Variants in NCOA1 observed in about 807,000 individuals in gnomAD.
NCOA1 encodes the protein nuclear receptor coactivator 1, also known as Hin-2 protein.
NCOA1 carries 35 observed loss-of-function variants against 150.9 expected under a neutral mutation model. The observed-to-expected ratio is 0.23, with a 90% CI of 0.18 to 0.31. NCOA1 has a LOEUF of 0.31. Ranked by LOEUF, NCOA1 falls within the 10% of genes least tolerant of loss-of-function variation. The probability of loss-of-function intolerance (pLI) is 1.00; values close to 1 mark genes in which losing one functional copy is unlikely to be tolerated. For missense variants in NCOA1, 1,491 were observed against 1,749.3 expected, an observed-to-expected ratio of 0.85 and a Z score of 2.63; for synonymous variants, 590 against 630.0, an observed-to-expected ratio of 0.94 and a Z score of 0.95.
intron 10 of NCOA1, among the ~76,000 whole-genome samples, chr2:24,694,678 A>G (rs1402210011): frequency 6.6e-6 from 1 of 152,162 alleles, no homozygotes; most frequent in East Asian, 1.9e-4. Context: ...ATTATCAATT[A>G]TCATAGCCTT....
At chr2:24,664,988 A>G (rs532542189) in intron 5 of NCOA1, among the ~76,000 whole-genome samples, 2 of 152,340 alleles carry the variant, frequency 1.3e-5, no homozygotes, top group East Asian at 1.9e-4. Context: ...AACCAGGGCT[A>G]AAGACTGGAA....
intron 14 of NCOA1, among the ~76,000 whole-genome samples, chr2:24,723,149 G>A (rs1674441964): frequency 6.6e-6 from 1 of 151,812 alleles, no homozygotes; most frequent in African/African-American, 2.4e-5. Context: ...CGTTTTTTCT[G>A]TACCTTCAAA....
intron 3 of NCOA1, among the ~76,000 whole-genome samples, chr2:24,594,536 A>G (rs769910413): frequency 2.0e-5 from 3 of 152,160 alleles, no homozygotes; most frequent in Non-Finnish European, 4.4e-5. Flanking sequence ...AGAAATTTGC[A>G]CAAAAGATGT....
chr2:24,574,985 G>A (rs1056907665), intron 2 of NCOA1, among the ~76,000 whole-genome samples: 1 of 151,910 alleles, frequency 6.6e-6, no homozygotes, highest in Non-Finnish European at 1.5e-5. Context: ...TGTTTATCCT[G>A]CTTGGATTTT....
intron 5 of NCOA1, among the ~76,000 whole-genome samples, chr2:24,660,666 A>G (rs55801694): frequency 6.6e-6 from 1 of 152,310 alleles, no homozygotes; most frequent in Non-Finnish European, 1.5e-5. Flanking sequence ...ATATTTTTCT[A>G]CAAATACATT....
At chr2:24,726,076 A>G (rs1173185460) in intron 14 of NCOA1, among the ~76,000 whole-genome samples, 1 of 152,134 alleles carries the variant, frequency 6.6e-6, no homozygotes, top group Non-Finnish European at 1.5e-5. Flanking sequence ...TATAAGTCTC[A>G]GTTCTTATAC....
chr2:24,552,777 T>TA (rs1248050653), intron 1 of NCOA1, among the ~76,000 whole-genome samples: 1 of 152,226 alleles, frequency 6.6e-6, no homozygotes, highest in Admixed American at 6.5e-5. Flanking sequence ...AATTATTCGT[T>TA]ACTACCACTA....
At chr2:24,762,342 T>A (rs1239434438) in intron 21 of NCOA1, among the ~76,000 whole-genome samples, 1 of 152,234 alleles carries the variant, frequency 6.6e-6, no homozygotes, top group Non-Finnish European at 1.5e-5. Context: ...CTAATTAACA[T>A]ATGTATGTGT....
intron 17 of NCOA1, among the ~76,000 whole-genome samples, chr2:24,735,556 T>C (rs1351552534): frequency 1.3e-5 from 2 of 152,084 alleles, no homozygotes; most frequent in African/African-American, 4.8e-5. Flanking sequence ...ATATCATTTA[T>C]TGGCCATGAG....
Position 24,760,904 on chromosome 2 carries a change from A to G in NCOA1, c.4066-1783A>G, listed in dbSNP as rs551033458. Among the ~76,000 whole-genome samples the G allele has an allele frequency of 2.6e-4, 39 of 152,006 alleles. 2 individuals carry two copies. Among genetic ancestry groups the G allele is most frequent in the Admixed American group, 6.6e-4 (10 of 15,264 alleles). On this transcript the variant is annotated intron_variant, in intron 21 of 22. Coordinates refer to ENST00000348332, the MANE Select transcript of NCOA1 (RefSeq NM_003743.5). ...ACTCTGTCACCCAGGCTGGAGTGTAATGGCGCAGTCTCCACTCACTGTAAC... is the reference window on the plus strand; with the variant it reads ...ACTCTGTCACCCAGGCTGGAGTGTAGTGGCGCAGTCTCCACTCACTGTAAC...
chr2:24,665,970 AAT>A (rs890052013), intron 6 of NCOA1, 55 bp downstream of exon 6: 664 of 1,108,960 alleles, frequency 6.0e-4, no homozygotes, highest in Non-Finnish European at 7.4e-4. Flanking sequence ...AGACATTTAT[AAT>A]ATGTGATTTT....
intron 2 of NCOA1, among the ~76,000 whole-genome samples, chr2:24,577,490 T>A (rs1667038776): frequency 2.0e-5 from 3 of 152,236 alleles, no homozygotes; most frequent in Admixed American, 2.0e-4. Flanking sequence ...ACATGCTGCT[T>A]TTCCTTACCT....
At chr2:24,704,762 G>A (rs2148589319) in intron 11 of NCOA1, among the ~76,000 whole-genome samples, 1 of 151,446 alleles carries the variant, frequency 6.6e-6, no homozygotes, top group South Asian at 2.1e-4. Context: ...GACAGAGTGA[G>A]ACTCTGTCTC....
chr2:24,513,166 C>T (rs1300315359), intron 1 of NCOA1, among the ~76,000 whole-genome samples: 1 of 152,190 alleles, frequency 6.6e-6, no homozygotes, highest in Non-Finnish European at 1.5e-5. Flanking sequence ...TCATTCCGTG[C>T]ACCTTCTGCC....
chr2:24,767,957 T>C, intron 22 of NCOA1: 1 of 881,108 alleles, frequency 1.1e-6, no homozygotes. Flanking sequence ...GCAATGATAC[T>C]CACTTTCAGT....
chr2:24,721,035 T>G (rs1442193354), intron 14 of NCOA1, among the ~76,000 whole-genome samples: 1 of 152,236 alleles, frequency 6.6e-6, no homozygotes, highest in Non-Finnish European at 1.5e-5. Flanking sequence ...ATGACACTTA[T>G]CTTTTTCTCT....
intron 1 of NCOA1, among the ~76,000 whole-genome samples, chr2:24,554,001 A>G (rs1332416362): frequency 6.6e-6 from 1 of 152,214 alleles, no homozygotes; most frequent in Non-Finnish European, 1.5e-5. Context: ...ATTGTTCAGA[A>G]TATTCCCTAA....
intron 1 of NCOA1, among the ~76,000 whole-genome samples, chr2:24,557,159 T>G (rs1418290862): frequency 4.6e-5 from 3 of 64,664 alleles, no homozygotes; most frequent in African/African-American, 1.1e-4. Context: ...TTCATGGGGG[T>G]AGCAACGGTG....
intron 1 of NCOA1, among the ~76,000 whole-genome samples, chr2:24,537,763 TAA>T (rs981854042): frequency 3.3e-5 from 5 of 152,182 alleles, no homozygotes; most frequent in Admixed American, 2.6e-4. Context: ...TGTGAGGTAA[TAA>T]GTTATTATCT....
Sources: gnomAD v4.1 joint callset for allele counts (sites outside exome capture counted in the v4.1 genomes callset) on GRCh38, gnomAD v4.1.1 for gene constraint, MANE v1.5 for transcripts, NCBI Gene and HGNC (gene_info 2026-07-23, HGNC 2026-07-21) for gene names.